DCAF8L2: variants seen among roughly 807,000 people sequenced by gnomAD.
DCAF8L2 encodes DDB1 and CUL4 associated factor 8 like 2.
For missense variants in DCAF8L2, 430 were observed against 490.7 expected, an observed-to-expected ratio of 0.88 and a Z score of 1.17; for synonymous variants, 200 against 190.9, an observed-to-expected ratio of 1.05 and a Z score of -0.39.
chrX:27,674,821 G>A (rs1949873709), intron 2 of DCAF8L2, among the ~76,000 whole-genome samples: 1 of 111,478 alleles, frequency 9.0e-6, no homozygotes, highest in Non-Finnish European at 1.9e-5. Context: ...TGAAAGGATT[G>A]AACAGTATTT....
chrX:27,564,026 A>C, the DCAF8L2 span, among the ~76,000 whole-genome samples: 10 of 112,128 alleles, frequency 8.9e-5, no homozygotes, highest in African/African-American at 2.9e-4. Context: ...CATATGTATT[A>C]GTCCGTTTTC....
At chrX:27,622,294 GGACA>G (rs1927807828) in intron 1 of DCAF8L2, among the ~76,000 whole-genome samples, 2 of 100,301 alleles carry the variant, frequency 2.0e-5, no homozygotes, top group South Asian at 4.1e-4. Context: ...GCGTAGTGGC[GGACA>G]CCTGTATTCC....
At chrX:27,656,535 T>C (rs993241095) in intron 2 of DCAF8L2, among the ~76,000 whole-genome samples, 2 of 111,661 alleles carry the variant, frequency 1.8e-5, no homozygotes, top group African/African-American at 6.5e-5. Flanking sequence ...AAACTATTAT[T>C]ATTCATGTGT....
chrX:27,528,522 A>G, the DCAF8L2 span, among the ~76,000 whole-genome samples: 1,442 of 105,983 alleles, frequency 0.014, 35 homozygotes, highest in African/African-American at 0.047. Context: ...ACACATACAC[A>G]TATATGTTTA....
the DCAF8L2 span, among the ~76,000 whole-genome samples, chrX:27,475,299 CAT>C: frequency 8.9e-6 from 1 of 112,016 alleles, no homozygotes; most frequent in Admixed American, 9.5e-5. Context: ...TCCCAAATCA[CAT>C]ATAATTTTTT....
the DCAF8L2 span, chrX:27,518,013 G>A: frequency 9.4e-7 from 1 of 1,066,184 alleles, no homozygotes; most frequent in South Asian, 1.9e-5. Flanking sequence ...TAAATAAAAA[G>A]GTGACACAGC....
chrX:27,610,538 T>G, intron 1 of DCAF8L2, among the ~76,000 whole-genome samples: 1 of 112,044 alleles, frequency 8.9e-6, no homozygotes, highest in East Asian at 2.8e-4. Flanking sequence ...GGCAATGATA[T>G]TTTTTATTTA....
intron 4 of DCAF8L2, among the ~76,000 whole-genome samples, chrX:27,725,767 C>G (rs1361314458): frequency 9.1e-6 from 1 of 109,506 alleles, no homozygotes; most frequent in Admixed American, 9.8e-5. Context: ...ATAAGTTTAT[C>G]AGAATAATTC....
At chrX:27,627,057 C>A (rs1468533163) in intron 1 of DCAF8L2, among the ~76,000 whole-genome samples, 3 of 65,413 alleles carry the variant, frequency 4.6e-5, no homozygotes, top group African/African-American at 1.8e-4. Context: ...AAAATAGCAC[C>A]AAGAAATGTT....
At chrX:27,519,752 C>A in the DCAF8L2 span, 1 of 553,126 alleles carries the variant, frequency 1.8e-6, no homozygotes. Flanking sequence ...TTAGCCCAAG[C>A]CAGAGATGAA....
chrX:27,675,136 T>C (rs767158851), intron 2 of DCAF8L2, among the ~76,000 whole-genome samples: 1 of 111,782 alleles, frequency 8.9e-6, no homozygotes, highest in Admixed American at 9.5e-5. Flanking sequence ...AATGTAATGG[T>C]TAGATTTAGA....
At chrX:27,705,582 T>G (rs1357494252) in intron 3 of DCAF8L2, among the ~76,000 whole-genome samples, 1 of 111,972 alleles carries the variant, frequency 8.9e-6, no homozygotes, top group Non-Finnish European at 1.9e-5. Context: ...GTTGGCTGCA[T>G]GAATGTCTTC....
the DCAF8L2 span, among the ~76,000 whole-genome samples, chrX:27,540,799 T>C: frequency 1.8e-5 from 2 of 112,122 alleles, no homozygotes; most frequent in Admixed American, 9.5e-5. Context: ...TCATTACACA[T>C]TGTGTACATG....
the DCAF8L2 span, among the ~76,000 whole-genome samples, chrX:27,477,207 T>C: frequency 8.9e-6 from 1 of 112,602 alleles, no homozygotes; most frequent in Admixed American, 9.3e-5. Context: ...GTCTGGAATT[T>C]GATTTCCTTG....
chrX:27,592,337 T>A (rs1445775925), intron 1 of DCAF8L2, among the ~76,000 whole-genome samples: 2 of 111,885 alleles, frequency 1.8e-5, no homozygotes, highest in Non-Finnish European at 3.8e-5. Flanking sequence ...CGGGGCACGT[T>A]CCTGTCAAGG....
At chrX:27,606,104 G>A (rs966046017) in intron 1 of DCAF8L2, among the ~76,000 whole-genome samples, 18 of 103,704 alleles carry the variant, frequency 1.7e-4, no homozygotes, top group Non-Finnish European at 2.9e-4. Context: ...GAAGAGCCAC[G>A]GAAGTACTGA....
chrX:27,732,102 G>A (rs1393640527), intron 4 of DCAF8L2, among the ~76,000 whole-genome samples: 5 of 111,457 alleles, frequency 4.5e-5, no homozygotes, highest in Middle Eastern at 4.6e-3. Context: ...GAAAATTAAC[G>A]TATGTGTCTC....
the DCAF8L2 span, among the ~76,000 whole-genome samples, chrX:27,481,292 C>T: frequency 1.3e-4 from 14 of 110,629 alleles, no homozygotes; most frequent in Non-Finnish European, 2.3e-4. Context: ...GCAGGAGGAT[C>T]ACTTGAACCT....
chrX:27,584,844 C>T, the DCAF8L2 span, among the ~76,000 whole-genome samples: 1 of 111,445 alleles, frequency 9.0e-6, no homozygotes, highest in East Asian at 2.8e-4. Flanking sequence ...GATTTTGCCC[C>T]TCAAGGAGCA....
Sources: allele counts gnomAD v4.1 joint callset (sites outside exome capture counted in the v4.1 genomes callset), GRCh38; gene constraint gnomAD v4.1.1; transcripts MANE v1.5; gene names NCBI Gene and HGNC (gene_info 2026-07-23, HGNC 2026-07-21).